The following DHX9 variants were observed in gnomAD, a reference collection of about 807,000 sequenced individuals.
DHX9 encodes the protein DExH-box helicase 9, also known as ATP-dependent RNA helicase A.
A neutral mutation model predicts 148.7 loss-of-function variants in DHX9; 27 were observed. The ratio of observed to expected loss-of-function variants is 0.18; its 90% CI spans 0.13 to 0.25. DHX9 has a LOEUF of 0.25. DHX9 is among the 10% of genes least tolerant of loss of function. The probability of loss-of-function intolerance (pLI) is 1.00; values close to 1 mark genes in which losing one functional copy is unlikely to be tolerated. For missense variants in DHX9, 796 were observed against 1,559.6 expected (o/e 0.51, Z 8.25); for synonymous variants, 529 against 516.6 (o/e 1.02, Z -0.33).
intron 1 of DHX9, 118 bp downstream of exon 1, chr1:182,839,574 T>G (rs1042102244): frequency 1.4e-5 from 2 of 147,774 alleles, no homozygotes; most frequent in East Asian, 2.0e-4. Flanking sequence ...CGGCTGGGGG[T>G]GGGGGAAGGG....
intron 6 of DHX9, 51 bp from the exon 7 acceptor site, chr1:182,856,481 G>T (rs1668252677): frequency 6.5e-7 from 1 of 1,547,884 alleles, no homozygotes; most frequent in Non-Finnish European, 8.9e-7. Context: ...ACCTGGATTT[G>T]CTGGTTTCTA....
intron 3 of DHX9, among the ~76,000 whole-genome samples, chr1:182,844,352 A>G (rs1667987618): frequency 6.6e-6 from 1 of 152,188 alleles, no homozygotes; most frequent in South Asian, 2.1e-4. Flanking sequence ...TATGCAACAA[A>G]TACCTCTGTC....
intron 26 of DHX9, 87 bp downstream of exon 26, chr1:182,883,722 A>G (rs1373497759): frequency 1.2e-6 from 1 of 858,498 alleles, no homozygotes; most frequent in Non-Finnish European, 1.8e-6. Flanking sequence ...TTAATTATAT[A>G]CTAATTATAT....
chr1:182,871,518 C>T (rs1340792637), intron 14 of DHX9, among the ~76,000 whole-genome samples: 1 of 152,182 alleles, frequency 6.6e-6, no homozygotes, highest in Non-Finnish European at 1.5e-5. Context: ...CAATTCCATA[C>T]CCATGTTTAA....
At chr1:182,839,718 A>C (rs946782823) in intron 1 of DHX9, 3 of 152,204 alleles carry the variant, frequency 2.0e-5, no homozygotes, top group Non-Finnish European at 4.4e-5. Context: ...TCTAGCAGGC[A>C]AAGCGCGCTT....
intron 3 of DHX9, among the ~76,000 whole-genome samples, chr1:182,847,797 C>T (rs984581720): frequency 8.5e-5 from 13 of 152,172 alleles, no homozygotes; most frequent in African/African-American, 3.1e-4. Context: ...TTTAACTTCT[C>T]TCAAGAATCT....
Position 182,884,807 on chromosome 1 carries a change from G to A in DHX9, c.3455G>A (p.Ser1152Asn). The A allele has an allele frequency of 6.2e-7, 1 of 1,614,078 alleles. No individual in the cohort carries two copies. The highest frequency in any genetic ancestry group is 8.5e-7 in the Non-Finnish European group (1 of 1,179,998). ...GCTGGTATCAACCTTATGATTGGCAGTACACGGTGAGTACCAATATACTTC... is the reference window on the plus strand; with the variant it reads ...GCTGGTATCAACCTTATGATTGGCAATACACGGTGAGTACCAATATACTTC... ...SAAGINLMIGSTRYGDGPRPP... is the reference protein window; with the variant it reads ...SAAGINLMIGNTRYGDGPRPP... Residue 1152 changes from serine (S) to asparagine (N), a missense_variant, in exon 27 of 28, where the codon AGT becomes AAT. By Grantham distance (46) the Ser-to-Asn change is conservative. Around this residue, in one of 14 missense-constraint regions of DHX9, gnomAD observed 86 missense variants for 156.3 expected, o/e 0.55. Coordinates refer to ENST00000367549, the MANE Select transcript of DHX9 (RefSeq NM_001357.5).
intron 26 of DHX9, 98 bp downstream of exon 26, chr1:182,883,733 C>A: frequency 1.3e-6 from 1 of 758,216 alleles, no homozygotes. Flanking sequence ...CTAATTATAT[C>A]TAACTTAATT....
intron 15 of DHX9, among the ~76,000 whole-genome samples, chr1:182,872,810 G>A (rs1648604411): frequency 6.6e-6 from 1 of 152,230 alleles, no homozygotes; most frequent in East Asian, 1.9e-4. Flanking sequence ...GTGGTGTATA[G>A]GTAATTATGG....
intron 7 of DHX9, among the ~76,000 whole-genome samples, chr1:182,857,492 C>T (rs1668276953): frequency 6.6e-6 from 1 of 152,220 alleles, no homozygotes; most frequent in Non-Finnish European, 1.5e-5. Context: ...CATAGCTACA[C>T]TCACATTTTA....
At chr1:182,851,962 TAC>T (rs912538366) in intron 3 of DHX9, among the ~76,000 whole-genome samples, 4 of 152,216 alleles carry the variant, frequency 2.6e-5, no homozygotes, top group African/African-American at 9.6e-5. Flanking sequence ...CTCAAAATGT[TAC>T]AGTTTGTGAG....
rs372422732 is a variant in DHX9, at chr1:182,872,286, G to A, written c.1558-51G>A. The A allele has an allele frequency of 2.9e-4, 439 of 1,495,346 alleles. 1 individual carries two copies. In the African/African-American group the frequency reaches 4.8e-3, roughly 16 times the overall value. 92.6% of individuals were successfully genotyped at this position (1,495,346 alleles called of 1,614,324 possible). ...TGTATAACTCTTTTAGGCATAGCTT[G>A]TTATATAAACTTAATGTAATTTCAA... On this transcript the variant is annotated intron_variant, in intron 14 of 27. Transcript: ENST00000367549.
At chr1:182,875,351 T>C (rs1648712773) in intron 16 of DHX9, among the ~76,000 whole-genome samples, 1 of 152,204 alleles carries the variant, frequency 6.6e-6, no homozygotes. Flanking sequence ...GAATCTACAG[T>C]TTAACAAGAT....
Position 182,881,255 on chromosome 1 carries a change from G to C in DHX9, c.2625-9G>C. On this transcript the variant is annotated splice_polypyrimidine_tract_variant and intron_variant, in intron 22 of 27. Coordinates refer to ENST00000367549, the MANE Select transcript of DHX9 (RefSeq NM_001357.5). ...CTAGTCTGGATTTAACTGTCTTTGT[G>C]TATTTCAGCGTGGGAGATGCTATCT... The C allele has an allele frequency of 6.2e-7, 1 of 1,610,658 alleles. No homozygotes were observed. Among genetic ancestry groups the C allele is most frequent in the East Asian group, 2.2e-5 (1 of 44,852 alleles).
At chr1:182,861,309 C>G (rs892477295) in intron 12 of DHX9, among the ~76,000 whole-genome samples, 1 of 152,102 alleles carries the variant, frequency 6.6e-6, no homozygotes, top group Non-Finnish European at 1.5e-5. Flanking sequence ...AGCTTGTTCA[C>G]AAAATTTTCT....
intron 18 of DHX9, 66 bp from the exon 19 acceptor site, chr1:182,876,764 G>A: frequency 8.0e-7 from 1 of 1,243,966 alleles, no homozygotes; most frequent in Non-Finnish European, 1.2e-6. Flanking sequence ...ACATACATAA[G>A]CAAATCAGTC....
rs567826395 is a variant in DHX9, at chr1:182,883,843, GAA to G, written c.3260+209_3260+210del. On this transcript the variant is annotated intron_variant, in intron 26 of 27. Coordinates refer to ENST00000367549, the MANE Select transcript of DHX9 (RefSeq NM_001357.5). ...TAGGCACACCACCACTATGGAATCA[GAA>G]TCTAAGTGAAGCTTGAGTACCCTTT... 4.5e-4 allele frequency among the ~76,000 whole-genome samples: 68 copies of G among 152,020 alleles called. No homozygotes were observed. The South Asian group carries it at 0.013, about 30-fold the overall frequency.
rs1557982682 is a variant in DHX9 at position 182,887,195 on chromosome 1, G to A, written c.3574G>A (p.Gly1192Arg). The stretch of plus-strand genomic sequence containing the variant: ...AGGCTATGGCGGTGGCTATAGCAGT[G>A]GAGGCTATGGTAGCGGAGGCTATGG... ...GGGYGGGYSSGGYGSGGYGGS... is the reference protein window; with the variant it reads ...GGGYGGGYSSRGYGSGGYGGS... The change falls in exon 28 of 28, where the codon GGA becomes AGA. Residue 1192 changes from glycine (G) to arginine (R), a missense_variant. Coordinates refer to ENST00000367549, the MANE Select transcript of DHX9 (RefSeq NM_001357.5). 5 of 1,607,866 alleles carry A rather than the reference G, an allele frequency of 3.1e-6. No homozygotes were observed. Among genetic ancestry groups the A allele is most frequent in the Non-Finnish European group, 4.3e-6 (5 of 1,174,390 alleles).
intron 3 of DHX9, among the ~76,000 whole-genome samples, chr1:182,847,265 TTG>T (rs1469960126): frequency 1.3e-5 from 2 of 152,252 alleles, no homozygotes; most frequent in Admixed American, 1.3e-4. Flanking sequence ...ATTTTCCTCT[TTG>T]TGTATCAAAT....
Sources: gnomAD v4.1 joint callset for allele counts (sites outside exome capture counted in the v4.1 genomes callset) on GRCh38, gnomAD v4.1.1 for gene constraint, gnomAD v4.1.1 regional missense constraint, MANE v1.5 for transcripts, NCBI Gene and HGNC (gene_info 2026-07-23, HGNC 2026-07-21) for gene names.